MAPK6: variants seen among roughly 807,000 people sequenced by gnomAD.
MAPK6 encodes mitogen-activated protein kinase 6.
Under a neutral mutation model 59.3 loss-of-function variants are expected in MAPK6, and 19 were observed. The observed-to-expected ratio is 0.32, with a 90% CI of 0.22 to 0.47. The LOEUF (loss-of-function observed/expected upper bound fraction) is 0.47, where lower values mean the gene tolerates loss of function less well. MAPK6 is among the 20% of genes least tolerant of loss of function. The pLI is 1.00. For synonymous variants in MAPK6, 316 were observed against 290.3 expected (o/e 1.09, Z -0.90); for missense variants, 724 against 847.9 (o/e 0.85, Z 1.81).
chr15:52,061,902 A>AAT (rs2032218558), intron 5 of MAPK6, among the ~76,000 whole-genome samples: 2 of 152,192 alleles, frequency 1.3e-5, no homozygotes, highest in African/African-American at 2.4e-5. Context: ...ACATTTTCAA[A>AAT]GTCATTAAGG....
chr15:52,037,936 C>T (rs932567149), intron 1 of MAPK6, among the ~76,000 whole-genome samples: 1 of 151,936 alleles, frequency 6.6e-6, no homozygotes, highest in Non-Finnish European at 1.5e-5. Context: ...TTATCATAGA[C>T]AAAGCCACAG....
At chr15:52,062,027 A>C (rs2032223793) in intron 5 of MAPK6, among the ~76,000 whole-genome samples, 1 of 146,910 alleles carries the variant, frequency 6.8e-6, no homozygotes, top group Admixed American at 6.7e-5. Context: ...TGGTAGTTAT[A>C]TCTTAACATA....
chr15:52,023,849 T>C (rs2030646728), intron 1 of MAPK6, among the ~76,000 whole-genome samples: 1 of 152,214 alleles, frequency 6.6e-6, no homozygotes, highest in South Asian at 2.1e-4. Flanking sequence ...CCTGACCTTG[T>C]GATCCGCCTG....
chr15:52,020,060 T>G (rs1054833576), intron 1 of MAPK6: 16 of 152,436 alleles, frequency 1.0e-4, no homozygotes, highest in African/African-American at 3.6e-4. Flanking sequence ...ACGAAATTCC[T>G]AATTTCCTCC....
At chr15:52,060,799 A>C (rs1475304999) in intron 4 of MAPK6, among the ~76,000 whole-genome samples, 1 of 152,224 alleles carries the variant, frequency 6.6e-6, no homozygotes, top group Non-Finnish European at 1.5e-5. Flanking sequence ...TTACTGTTGT[A>C]CTTCCCATCA....
chr15:52,019,221 T>C lies in MAPK6; in HGVS notation c.-787T>C, dbSNP rs919020674. ...GGCACCGCGAAGCCCCGCCCCCTCTTCCTCGCCCTCTCTCGCGGGTCGGGG... is the reference window on the plus strand; with the variant it reads ...GGCACCGCGAAGCCCCGCCCCCTCTCCCTCGCCCTCTCTCGCGGGTCGGGG... On this transcript the variant is annotated 5_prime_UTR_variant, in exon 1 of 6. Coordinates refer to ENST00000261845, the MANE Select transcript of MAPK6 (RefSeq NM_002748.4). 38 of 152,036 alleles carry C rather than the reference T, an allele frequency of 2.5e-4. No homozygotes were observed. The highest frequency in any genetic ancestry group is 9.2e-4 in the African/African-American group (38 of 41,472). The allele number at this position is 152,036 out of a possible 1,614,324, so 9.4% of individuals were successfully genotyped here. A position where few individuals can be genotyped will look rare whatever the true frequency, so the allele number is the denominator to read the frequency against.
intron 3 of MAPK6, among the ~76,000 whole-genome samples, chr15:52,051,683 T>TG (rs1269681051): frequency 6.6e-6 from 1 of 151,612 alleles, no homozygotes; most frequent in Non-Finnish European, 1.5e-5. Flanking sequence ...AGACCAGGCT[T>TG]GCCAACATGG....
At chr15:52,029,683 TCCTGTTTTTC>T (rs1371280441) in intron 1 of MAPK6, among the ~76,000 whole-genome samples, 1 of 152,214 alleles carries the variant, frequency 6.6e-6, no homozygotes, top group Admixed American at 6.5e-5. Context: ...TATCCTTGAA[TCCTGTTTTTC>T]CCTTATCCCC....
At chr15:51,972,987 T>C (rs558040489) in intron 1 of MAPK6, among the ~76,000 whole-genome samples, 1 of 151,662 alleles carries the variant, frequency 6.6e-6, no homozygotes, top group Non-Finnish European at 1.5e-5. Flanking sequence ...CTAGCCTGAG[T>C]GACAGAGTAA....
intron 1 of MAPK6, among the ~76,000 whole-genome samples, chr15:52,022,500 A>G (rs1252618478): frequency 6.6e-6 from 1 of 152,074 alleles, no homozygotes. Flanking sequence ...GGGCTCAAGC[A>G]ATCTGCCTGC....
intron 2 of MAPK6, among the ~76,000 whole-genome samples, chr15:52,001,273 G>T (rs1331227235): frequency 6.6e-6 from 1 of 151,770 alleles, no homozygotes; most frequent in African/African-American, 2.4e-5. Context: ...TCAGCCTCCA[G>T]AACTGCAAGA....
chr15:51,996,505 C>T (rs2057224568), intron 2 of MAPK6, among the ~76,000 whole-genome samples: 1 of 152,132 alleles, frequency 6.6e-6, no homozygotes, highest in Non-Finnish European at 1.5e-5. Context: ...AAGTGATTCT[C>T]CTGCCTCAGC....
chr15:52,003,415 T>G (rs2141825759), intron 2 of MAPK6, among the ~76,000 whole-genome samples: 1 of 152,244 alleles, frequency 6.6e-6, no homozygotes, highest in South Asian at 2.1e-4. Context: ...TGATCAGTCA[T>G]CAGATTTGGG....
chr15:52,017,644 T>C (rs2030312389), upstream of MAPK6: 1 of 152,298 alleles, frequency 6.6e-6, no homozygotes, highest in Non-Finnish European at 1.5e-5. Context: ...CCCTTACTAT[T>C]GTAAGCCAAC....
In MAPK6 at chr15:52,046,850, G is replaced by C; in HGVS notation, c.390G>C (p.Arg130Ser). 1.2e-6 allele frequency: 2 copies of C among 1,613,984 alleles called. No homozygotes were observed. Among genetic ancestry groups the C allele is most frequent in the Non-Finnish European group, 1.7e-6 (2 of 1,179,954 alleles). The change falls in exon 2 of 6, where the codon AGG (arginine) becomes AGC (serine). Residue 130 changes from arginine (R) to serine (S), a missense_variant. Physicochemically the swap from Arg to Ser is moderately radical, Grantham distance 110 (BLOSUM62 -1). This residue lies in a region of MAPK6 where 105 missense variants were observed against 191.9 expected (regional missense o/e 0.55). Coordinates refer to ENST00000261845, the MANE Select transcript of MAPK6 (RefSeq NM_002748.4). ...EQGPLLEEHA[R>S]LFMYQLLRGL... Reference sequence around the variant, plus strand: ...GCCCTTTACTGGAAGAGCATGCCAGGCTTTTCATGTATCAGCTGCTACGGG... The same window carrying C: ...GCCCTTTACTGGAAGAGCATGCCAGCCTTTTCATGTATCAGCTGCTACGGG...
chr15:51,989,846 C>T (rs2057202585), intron 2 of MAPK6, among the ~76,000 whole-genome samples: 1 of 152,206 alleles, frequency 6.6e-6, no homozygotes, highest in Admixed American at 6.5e-5. Flanking sequence ...TCAAGCGATC[C>T]TCCCACCTCA....
chr15:51,997,905 T>C (rs565565226), intron 2 of MAPK6, among the ~76,000 whole-genome samples: 1 of 150,666 alleles, frequency 6.6e-6, no homozygotes, highest in South Asian at 2.1e-4. Context: ...AAAGTTATTT[T>C]CTTTCTTTTC....
chr15:52,009,481 C>T (rs1029606703), intron 3 of MAPK6, among the ~76,000 whole-genome samples: 14 of 152,202 alleles, frequency 9.2e-5, no homozygotes, highest in Admixed American at 8.5e-4. Flanking sequence ...CTCTATGCTT[C>T]TCTTAAAATG....
rs2032448175 is a variant in MAPK6 at position 52,067,297 on chromosome 15, A to C, written c.*2297A>C. The C allele has an allele frequency of 6.6e-6, 1 of 152,218 alleles. No homozygotes were observed. The allele number at this position is 152,218 out of a possible 1,614,324, so 9.4% of individuals were successfully genotyped here. A position where few individuals can be genotyped will look rare whatever the true frequency, so the allele number is the denominator to read the frequency against. On this transcript the variant is annotated 3_prime_UTR_variant, in exon 6 of 6. Transcript: ENST00000261845. The stretch of plus-strand genomic sequence containing the variant: ...GTAAAACTGAAACCCCTTATATAAA[A>C]TATGCTTGCTTTAGGGTGACCCAGG...
Sources: gnomAD v4.1 joint callset for allele counts (sites outside exome capture counted in the v4.1 genomes callset) on GRCh38, gnomAD v4.1.1 for gene constraint, gnomAD v4.1.1 regional missense constraint, MANE v1.5 for transcripts, NCBI Gene and HGNC (gene_info 2026-07-23, HGNC 2026-07-21) for gene names.